Variants in KIF18A observed in about 807,000 individuals in gnomAD.
KIF18A encodes kinesin family member 18A.
KIF18A carries 67 observed loss-of-function variants against 103.3 expected under a neutral mutation model. The ratio of observed to expected loss-of-function variants is 0.65; its 90% CI spans 0.53 to 0.79. The LOEUF (loss-of-function observed/expected upper bound fraction) is 0.79, where lower values mean the gene tolerates loss of function less well. Among genes scored for constraint, KIF18A ranks in the 30% least tolerant of loss-of-function variants. KIF18A has a pLI of 0.00. For missense variants in KIF18A, 1,032 were observed against 1,062.5 expected (o/e 0.97, Z 0.40); for synonymous variants, 367 against 355.5 (o/e 1.03, Z -0.36).
intron 13 of KIF18A, among the ~76,000 whole-genome samples, chr11:28,047,012 C>T (rs1261771145): frequency 7.0e-6 from 1 of 142,554 alleles, no homozygotes; most frequent in African/African-American, 2.6e-5. Context: ...CTAGGTCATG[C>T]CATTGCAGTC....
intron 4 of KIF18A, among the ~76,000 whole-genome samples, chr11:28,090,962 C>A (rs1225329358): frequency 6.6e-6 from 1 of 151,776 alleles, no homozygotes; most frequent in Non-Finnish European, 1.5e-5. Context: ...AATAATATGA[C>A]ATTAAATGTT....
At chr11:28,085,989 A>G (rs1851223435) in intron 6 of KIF18A, among the ~76,000 whole-genome samples, 2 of 152,184 alleles carry the variant, frequency 1.3e-5, no homozygotes, top group Admixed American at 6.5e-5. Flanking sequence ...TCTGCATCTG[A>G]GTAAGTATGA....
At chr11:28,051,351 A>T (rs1214449152) in intron 13 of KIF18A, among the ~76,000 whole-genome samples, 1 of 151,948 alleles carries the variant, frequency 6.6e-6, no homozygotes, top group East Asian at 1.9e-4. Context: ...AGGTGAAACA[A>T]TAGAGTAGAA....
intron 12 of KIF18A, among the ~76,000 whole-genome samples, chr11:28,059,366 G>A (rs984406018): frequency 5.9e-5 from 9 of 152,118 alleles, no homozygotes; most frequent in Non-Finnish European, 1.3e-4. Flanking sequence ...TCTGTAATGT[G>A]AGGGACAGAT....
intron 1 of KIF18A, among the ~76,000 whole-genome samples, chr11:28,100,576 T>G (rs1851432754): frequency 6.7e-6 from 1 of 148,184 alleles, no homozygotes; most frequent in African/African-American, 2.5e-5. Flanking sequence ...GGGGGTGGTG[T>G]CAAGATGTTT....
chr11:28,035,552 AAAGG>A (rs1792398356), intron 14 of KIF18A, 58 bp from the exon 15 acceptor site: 6 of 1,002,438 alleles, frequency 6.0e-6, no homozygotes, highest in Admixed American at 2.9e-5. Context: ...TATGAAGAGA[AAAGG>A]AAGCAAATGT....
At chr11:28,079,094 T>G (rs1851129969) in intron 9 of KIF18A, among the ~76,000 whole-genome samples, 1 of 152,086 alleles carries the variant, frequency 6.6e-6, no homozygotes, top group African/African-American at 2.4e-5. Flanking sequence ...TAAATACTTA[T>G]TTCATAGCTC....
chr11:28,080,306 T>C (rs1404297355), intron 9 of KIF18A, among the ~76,000 whole-genome samples: 1 of 151,586 alleles, frequency 6.6e-6, no homozygotes, highest in Non-Finnish European at 1.5e-5. Flanking sequence ...GTTGAGAATA[T>C]ATATACAGGC....
intron 1 of KIF18A, among the ~76,000 whole-genome samples, chr11:28,100,564 G>GT (rs901892076): frequency 3.3e-5 from 5 of 150,776 alleles, no homozygotes; most frequent in African/African-American, 9.7e-5. Flanking sequence ...TGAGTGAAGG[G>GT]GGGGGGTGGT....
rs185955594 is a variant in KIF18A at position 28,065,782 on chromosome 11, C to T, written c.1591-3266G>A. Among the ~76,000 whole-genome samples, 276 of 152,066 alleles carry T rather than the reference C, an allele frequency of 1.8e-3. 1 individual carries two copies. Among genetic ancestry groups the T allele is most frequent in the African/African-American group, 6.5e-3 (269 of 41,544 alleles). On this transcript the variant is annotated intron_variant, in intron 11 of 16. Coordinates refer to ENST00000263181, the MANE Select transcript of KIF18A (RefSeq NM_031217.4). The stretch of plus-strand genomic sequence containing the variant: ...TCTTAGTACTTCTGTAGTTGGAATG[C>T]TGATTACATGGACAAACATATAATA...
At chr11:28,058,649 G>A (rs1188338560) in intron 13 of KIF18A, among the ~76,000 whole-genome samples, 8 of 128,700 alleles carry the variant, frequency 6.2e-5, no homozygotes, top group African/African-American at 1.8e-4. Flanking sequence ...GCAACAGGGT[G>A]AGACCCTGTC....
At chr11:28,040,424 T>C (rs910725730) in intron 13 of KIF18A, among the ~76,000 whole-genome samples, 2 of 151,734 alleles carry the variant, frequency 1.3e-5, no homozygotes, top group Admixed American at 6.6e-5. Flanking sequence ...TATCTAACAA[T>C]ATTCCATAAT....
At chr11:28,079,444 T>A (rs1851134806) in intron 9 of KIF18A, among the ~76,000 whole-genome samples, 1 of 152,092 alleles carries the variant, frequency 6.6e-6, no homozygotes, top group African/African-American at 2.4e-5. Context: ...TAAAATATTT[T>A]ATGTAAAACT....
intron 3 of KIF18A, among the ~76,000 whole-genome samples, chr11:28,092,629 A>C: frequency 6.6e-6 from 1 of 152,204 alleles, no homozygotes. Context: ...TTGCTAACCA[A>C]ATGACAATTA....
chr11:28,065,814 T>C (rs1356215733), intron 11 of KIF18A, among the ~76,000 whole-genome samples: 1 of 152,060 alleles, frequency 6.6e-6, no homozygotes, highest in Non-Finnish European at 1.5e-5. Context: ...AATACAAGCA[T>C]AATGTAAATT....
intron 15 of KIF18A, among the ~76,000 whole-genome samples, chr11:28,024,763 G>C (rs1172858341): frequency 1.3e-5 from 2 of 151,046 alleles, no homozygotes; most frequent in African/African-American, 2.4e-5. Flanking sequence ...AGGTAGGATT[G>C]GGGGGGGTTG....
intron 12 of KIF18A, among the ~76,000 whole-genome samples, chr11:28,060,410 T>A (rs1293903966): frequency 6.6e-6 from 1 of 152,170 alleles, no homozygotes; most frequent in Non-Finnish European, 1.5e-5. Context: ...CTACAAGTCT[T>A]AAATATTTCA....
At chr11:28,098,870 A>G (rs990770596) in intron 1 of KIF18A, among the ~76,000 whole-genome samples, 20 of 148,254 alleles carry the variant, frequency 1.3e-4, no homozygotes, top group Non-Finnish European at 7.5e-5. Flanking sequence ...AACAACAACA[A>G]CAAAAAGACA....
At chr11:28,092,428 G>GGTCAA (rs1487579264) in intron 3 of KIF18A, among the ~76,000 whole-genome samples, 2 of 152,120 alleles carry the variant, frequency 1.3e-5, no homozygotes, top group African/African-American at 4.8e-5. Flanking sequence ...ATTTGTCCAT[G>GGTCAA]GTCATAAAGG....
Sources: gnomAD v4.1 joint callset for allele counts (sites outside exome capture counted in the v4.1 genomes callset) on GRCh38, gnomAD v4.1.1 for gene constraint, MANE v1.5 for transcripts, NCBI Gene and HGNC (gene_info 2026-07-23, HGNC 2026-07-21) for gene names.